The following MAPKAP1 variants were observed in gnomAD, a reference collection of about 807,000 sequenced individuals.
MAPKAP1 encodes MAPK associated protein 1.
A neutral mutation model predicts 65.7 loss-of-function variants in MAPKAP1; 20 were observed. The observed-to-expected ratio is 0.30, with a 90% CI of 0.21 to 0.44. MAPKAP1 has a LOEUF of 0.44. MAPKAP1 is among the 20% of genes least tolerant of loss of function. The pLI, the probability that MAPKAP1 is intolerant of heterozygous loss-of-function variation, is 1.00. For synonymous variants in MAPKAP1, 222 were observed against 244.3 expected, an observed-to-expected ratio of 0.91 and a Z score of 0.85; for missense variants, 423 against 648.0, an observed-to-expected ratio of 0.65 and a Z score of 3.77.
intron 8 of MAPKAP1, among the ~76,000 whole-genome samples, chr9:125,505,763 C>A (rs925928641): frequency 6.6e-6 from 1 of 152,218 alleles, no homozygotes; most frequent in South Asian, 2.1e-4. Context: ...CTGCCGCAAG[C>A]GCAGTTTCAC....
intron 4 of MAPKAP1, among the ~76,000 whole-genome samples, chr9:125,591,529 G>A (rs1323824153): frequency 6.6e-6 from 1 of 151,794 alleles, no homozygotes; most frequent in Non-Finnish European, 1.5e-5. Flanking sequence ...AATAGAAAGT[G>A]GGGCAAAAAC....
intron 4 of MAPKAP1, among the ~76,000 whole-genome samples, chr9:125,636,404 A>G (rs1167579580): frequency 6.6e-6 from 1 of 152,256 alleles, no homozygotes; most frequent in African/African-American, 2.4e-5. Flanking sequence ...AAGCTAACGC[A>G]TATATATCAA....
At chr9:125,490,805 C>T (rs10819053) in intron 8 of MAPKAP1, among the ~76,000 whole-genome samples, 3,067 of 152,158 alleles carry the variant, frequency 0.02, 167 homozygotes, top group East Asian at 0.14. Flanking sequence ...ATTACAGAAA[C>T]TTGCAATATA....
At chr9:125,450,026 G>A (rs1051637607) in intron 10 of MAPKAP1, among the ~76,000 whole-genome samples, 2 of 151,984 alleles carry the variant, frequency 1.3e-5, no homozygotes, top group East Asian at 1.9e-4. Context: ...GGGTTCAAGC[G>A]ATTCTCCTGC....
intron 5 of MAPKAP1, among the ~76,000 whole-genome samples, chr9:125,560,490 G>C (rs556523054): frequency 2.8e-4 from 42 of 152,270 alleles, no homozygotes; most frequent in Non-Finnish European, 4.3e-4. Flanking sequence ...AGGCTGAGGT[G>C]AGAGGATCAC....
chr9:125,486,146 G>A (rs1462489368), intron 8 of MAPKAP1, among the ~76,000 whole-genome samples: 1 of 152,210 alleles, frequency 6.6e-6, no homozygotes, highest in Non-Finnish European at 1.5e-5. Context: ...GCCAGGCTTG[G>A]TGTTAAGCAT....
At chr9:125,531,208 C>G (rs1198211491) in intron 7 of MAPKAP1, among the ~76,000 whole-genome samples, 1 of 152,218 alleles carries the variant, frequency 6.6e-6, no homozygotes, top group Admixed American at 6.5e-5. Context: ...GGCCCCGTAA[C>G]CTTATCCAGT....
At position 125,700,168 on chromosome 9, in the gene MAPKAP1, T is replaced by G. The variant is rs181209298; in HGVS notation, c.-70+6803A>C. Among the ~76,000 whole-genome samples, 42 of 152,346 alleles carry G rather than the reference T, an allele frequency of 2.8e-4. 1 individual carries two copies. The South Asian group carries it at 4.1e-3, about 15-fold the overall frequency. On this transcript the variant is annotated intron_variant, in intron 1 of 11. Coordinates refer to ENST00000265960, the MANE Select transcript of MAPKAP1 (RefSeq NM_001006617.3). ...AAATTCAAGTCTGCACTTCAGTTCT[T>G]CGTTAGTCTCCTTTATGTCAGTAAC...
At chr9:125,693,720 CGTATATACACATATATACACGTAT>C (rs1835280467) in intron 1 of MAPKAP1, among the ~76,000 whole-genome samples, 2 of 135,464 alleles carry the variant, frequency 1.5e-5, no homozygotes, top group Admixed American at 7.3e-5. Flanking sequence ...CATATATACA[CGTATATACACATATATACACGTAT>C]ATATACACAT....
At chr9:125,584,904 T>A (rs547730693) in intron 5 of MAPKAP1, among the ~76,000 whole-genome samples, 1 of 152,338 alleles carries the variant, frequency 6.6e-6, no homozygotes, top group South Asian at 2.1e-4. Flanking sequence ...GAGAGGCTAC[T>A]CTCAAGCACT....
At chr9:125,461,337 G>A (rs1411531048) in intron 10 of MAPKAP1, among the ~76,000 whole-genome samples, 2 of 152,180 alleles carry the variant, frequency 1.3e-5, no homozygotes, top group Non-Finnish European at 2.9e-5. Context: ...GGAAGGAGAT[G>A]AGAAATAAAT....
At chr9:125,621,698 T>A (rs1249600928) in intron 4 of MAPKAP1, among the ~76,000 whole-genome samples, 1 of 152,250 alleles carries the variant, frequency 6.6e-6, no homozygotes, top group Non-Finnish European at 1.5e-5. Context: ...TGAAGGCTGC[T>A]TTAGATATGC....
At chr9:125,475,980 C>CCA (rs761338157) in intron 9 of MAPKAP1, among the ~76,000 whole-genome samples, 8 of 152,192 alleles carry the variant, frequency 5.3e-5, no homozygotes, top group Non-Finnish European at 1.2e-4. Flanking sequence ...TTCCATCATG[C>CCA]CAGTGCTTCT....
At chr9:125,456,116 TTCTTA>T (rs1418373650) in intron 10 of MAPKAP1, among the ~76,000 whole-genome samples, 1 of 150,846 alleles carries the variant, frequency 6.6e-6, no homozygotes, top group African/African-American at 2.5e-5. Flanking sequence ...TCAGCAACTA[TTCTTA>T]TCTTGGTTTC....
At chr9:125,500,900 G>GA (rs1478478950) in intron 8 of MAPKAP1, among the ~76,000 whole-genome samples, 3 of 151,956 alleles carry the variant, frequency 2.0e-5, no homozygotes, top group Admixed American at 6.6e-5. Context: ...TTTAAAGAAT[G>GA]AAAAAAAATG....
intron 7 of MAPKAP1, among the ~76,000 whole-genome samples, chr9:125,526,358 G>A (rs187948267): frequency 3.3e-5 from 5 of 152,322 alleles, no homozygotes; most frequent in African/African-American, 1.2e-4. Flanking sequence ...GGACTCTAAT[G>A]TTATGGAAAA....
chr9:125,544,983 T>C (rs1466630614), intron 6 of MAPKAP1, among the ~76,000 whole-genome samples: 1 of 152,214 alleles, frequency 6.6e-6, no homozygotes, highest in African/African-American at 2.4e-5. Context: ...CGGCTTGCTG[T>C]TTAATCCTTG....
At chr9:125,572,880 T>G (rs545517406) in intron 5 of MAPKAP1, 1 of 152,226 alleles carries the variant, frequency 6.6e-6, no homozygotes, top group Non-Finnish European at 1.5e-5. Context: ...AATTAAACAC[T>G]TATTAATCTT....
chr9:125,500,854 T>C (rs562327864), intron 8 of MAPKAP1, among the ~76,000 whole-genome samples: 1 of 152,258 alleles, frequency 6.6e-6, no homozygotes, highest in Admixed American at 6.5e-5. Context: ...TTCCTACCTA[T>C]GAATTAGTTC....
Sources: gnomAD v4.1 joint callset for allele counts (sites outside exome capture counted in the v4.1 genomes callset) on GRCh38, gnomAD v4.1.1 for gene constraint, MANE v1.5 for transcripts, NCBI Gene and HGNC (gene_info 2026-07-23, HGNC 2026-07-21) for gene names.